PRXL2A: variants seen among roughly 807,000 people sequenced by gnomAD.
PRXL2A encodes peroxiredoxin-like 2A.
In PRXL2A, 26 loss-of-function variants were observed where a neutral mutation model predicts 25.6. That is an observed-to-expected ratio of 1.02 (90% confidence interval 0.74 to 1.41). The LOEUF (loss-of-function observed/expected upper bound fraction) is 1.41. Ranked by LOEUF, PRXL2A falls within the 40% of genes most tolerant of loss-of-function variation. The probability of loss-of-function intolerance (pLI) is 0.00; values close to 1 mark genes in which losing one functional copy is unlikely to be tolerated. For missense variants in PRXL2A, 246 were observed against 273.9 expected, an observed-to-expected ratio of 0.90 and a Z score of 0.72; for synonymous variants, 98 against 102.9, an observed-to-expected ratio of 0.95 and a Z score of 0.29.
At chr10:80,423,749 G>A (rs7898558) in intron 3 of PRXL2A, among the ~76,000 whole-genome samples, 2 of 152,226 alleles carry the variant, frequency 1.3e-5, no homozygotes, top group East Asian at 1.9e-4. Flanking sequence ...AAAGCCACCC[G>A]GATCGGGGAG....
At chr10:80,410,008 A>G (rs1844423777) in intron 1 of PRXL2A, among the ~76,000 whole-genome samples, 1 of 152,216 alleles carries the variant, frequency 6.6e-6, no homozygotes, top group South Asian at 2.1e-4. Flanking sequence ...GACCTTCTGC[A>G]TTACTTCTGA....
intron 5 of PRXL2A, among the ~76,000 whole-genome samples, chr10:80,429,389 G>C (rs1845153519): frequency 6.6e-6 from 1 of 152,150 alleles, no homozygotes; most frequent in Non-Finnish European, 1.5e-5. Flanking sequence ...TAGGATGTTA[G>C]GCATTTTTAT....
intron 1 of PRXL2A, among the ~76,000 whole-genome samples, chr10:80,417,614 AAC>A (rs1398888090): frequency 6.6e-6 from 1 of 152,052 alleles, no homozygotes; most frequent in Non-Finnish European, 1.5e-5. Context: ...CCCCTTCCCC[AAC>A]ACACACAGGC....
intron 1 of PRXL2A, among the ~76,000 whole-genome samples, chr10:80,414,139 G>T (rs1395692250): frequency 6.6e-6 from 1 of 152,152 alleles, no homozygotes; most frequent in East Asian, 1.9e-4. Flanking sequence ...AATTGATTCA[G>T]CTTAGCCTAG....
intron 3 of PRXL2A, among the ~76,000 whole-genome samples, chr10:80,423,497 C>G (rs74878345): frequency 0.022 from 3,396 of 152,334 alleles, 50 homozygotes; most frequent in Middle Eastern, 0.034. Flanking sequence ...TCCTGGTTCC[C>G]CTCCCTGACC....
intron 3 of PRXL2A, 69 bp from the exon 4 acceptor site, chr10:80,425,797 C>A (rs1233395826): frequency 1.3e-6 from 2 of 1,592,496 alleles, no homozygotes; most frequent in African/African-American, 1.3e-5. Flanking sequence ...GCAGAGGGAA[C>A]CTGACACCCT....
intron 1 of PRXL2A, among the ~76,000 whole-genome samples, chr10:80,409,995 T>G (rs1378775393): frequency 6.6e-6 from 1 of 152,214 alleles, no homozygotes. Flanking sequence ...GTCATTTAGT[T>G]GAGACCTTCT....
chr10:80,426,960 G>A (rs1434493772), intron 4 of PRXL2A, among the ~76,000 whole-genome samples: 2 of 151,928 alleles, frequency 1.3e-5, no homozygotes, highest in South Asian at 2.1e-4. Flanking sequence ...CTTGGCCAAC[G>A]TGGTGAAACC....
chr10:80,435,478 G>C lies in PRXL2A; in HGVS notation c.*3379G>C, dbSNP rs1343232796. The C allele has an allele frequency of 6.6e-6, 1 of 151,698 alleles. No homozygotes were observed. Among genetic ancestry groups the C allele is most frequent in the African/African-American group, 2.4e-5 (1 of 41,284 alleles). 9.4% of individuals were successfully genotyped at this position (151,698 alleles called of 1,614,324 possible). On this transcript the variant is annotated 3_prime_UTR_variant, in exon 6 of 6. Transcript: ENST00000606162. ...GCAGTCTGGGTGGGCCTGAGTTTCT[G>C]CTTTTTTTTTTTCTTTATGTACAGG...
intron 3 of PRXL2A, among the ~76,000 whole-genome samples, chr10:80,423,066 C>T (rs1844924839): frequency 6.6e-6 from 1 of 152,214 alleles, no homozygotes; most frequent in Admixed American, 6.5e-5. Flanking sequence ...GAATCTGTAG[C>T]TCAGTGGGAT....
upstream of PRXL2A, chr10:80,408,411 C>G (rs1844340635): frequency 6.6e-6 from 1 of 152,152 alleles, no homozygotes; most frequent in Non-Finnish European, 1.5e-5. Context: ...CGAGCGCCAC[C>G]GGAGCTAGGA....
chr10:80,412,453 T>A (rs747722041), intron 1 of PRXL2A, among the ~76,000 whole-genome samples: 1 of 152,246 alleles, frequency 6.6e-6, no homozygotes, highest in Non-Finnish European at 1.5e-5. Flanking sequence ...TAACATTTAA[T>A]GCCTGATAAT....
intron 2 of PRXL2A, among the ~76,000 whole-genome samples, chr10:80,421,641 A>G (rs921110827): frequency 6.7e-6 from 1 of 149,888 alleles, no homozygotes; most frequent in Non-Finnish European, 1.5e-5. Context: ...CCTCTCACCC[A>G]CCTGACCCCA....
intron 3 of PRXL2A, among the ~76,000 whole-genome samples, chr10:80,424,405 CAAAAAAAAAAA>C (rs33941883): frequency 6.7e-5 from 5 of 75,076 alleles, no homozygotes; most frequent in Admixed American, 2.2e-4. Flanking sequence ...CCTGTCTCTA[CAAAAAAAAAAA>C]AAAAAAAAAA....
At position 80,432,024 on chromosome 10, in the gene PRXL2A, C is replaced by G; in HGVS notation, c.615C>G (p.Asp205Glu). 1 of 1,610,986 alleles carries G rather than the reference C, an allele frequency of 6.2e-7. No individual in the cohort carries two copies. Among genetic ancestry groups the G allele is most frequent in the African/African-American group, 1.3e-5 (1 of 74,644 alleles). Reference protein sequence around the residue: ...LLEHREKEFGDKVNLLSVLEA... With the variant: ...LLEHREKEFGEKVNLLSVLEA... ...AGCACCGAGAAAAAGAATTTGGAGA[C>G]AAAGTAAACCTACTTTCTGTTCTGG... Residue 205 changes from aspartate (D) to glutamate (E), a missense_variant, in exon 6 of 6, where the codon GAC becomes GAG. Asp to Glu is a conservative substitution (Grantham distance 45). Transcript: ENST00000606162.
In PRXL2A at chr10:80,426,014, T is replaced by TGA. The variant is rs1360498465; in HGVS notation, c.411+9_411+10dup. The TGA allele has an allele frequency of 6.2e-7, 1 of 1,614,146 alleles. No individual in the cohort carries two copies. Among genetic ancestry groups the TGA allele is most frequent in the Non-Finnish European group, 8.5e-7 (1 of 1,180,012 alleles). On this transcript the variant is annotated intron_variant, in intron 4 of 5. Transcript: ENST00000606162. ...ATCTTCCTGGATGAAAAGGTGTGTG[T>TGA]GATGGGAGGCTTTTAGACACAGACT...
intron 1 of PRXL2A, among the ~76,000 whole-genome samples, chr10:80,412,059 C>G (rs75870791): frequency 2.0e-5 from 3 of 152,092 alleles, no homozygotes; most frequent in Non-Finnish European, 4.4e-5. Context: ...ATGTGCACAC[C>G]CAGCAGAAGA....
At chr10:80,415,820 G>T (rs1340735870) in intron 1 of PRXL2A, among the ~76,000 whole-genome samples, 1 of 152,222 alleles carries the variant, frequency 6.6e-6, no homozygotes, top group Non-Finnish European at 1.5e-5. Flanking sequence ...CAGTGGGAAG[G>T]TGGAGGCTGT....
intron 1 of PRXL2A, among the ~76,000 whole-genome samples, chr10:80,418,176 C>T (rs1207051726): frequency 1.3e-5 from 2 of 151,936 alleles, no homozygotes; most frequent in Non-Finnish European, 1.5e-5. Flanking sequence ...ACCCCACCCT[C>T]CCCTCTTCAG....
Sources: gnomAD v4.1 joint callset for allele counts (sites outside exome capture counted in the v4.1 genomes callset) on GRCh38, gnomAD v4.1.1 for gene constraint, MANE v1.5 for transcripts, NCBI Gene and HGNC (gene_info 2026-07-23, HGNC 2026-07-21) for gene names.